Variants in PTPN12 observed in about 807,000 individuals in gnomAD.
The protein encoded by PTPN12 is protein tyrosine phosphatase non-receptor type 12, also known as tyrosine-protein phosphatase non-receptor type 12.
In PTPN12, 29 loss-of-function variants were observed where a neutral mutation model predicts 97.6. The ratio of observed to expected loss-of-function variants is 0.30; its 90% CI spans 0.22 to 0.41. PTPN12 has a LOEUF of 0.41. PTPN12 is among the 10% of genes least tolerant of loss of function. PTPN12 has a pLI of 1.00. For synonymous variants in PTPN12, 327 were observed against 300.4 expected, an observed-to-expected ratio of 1.09 and a Z score of -0.91; for missense variants, 819 against 926.0, an observed-to-expected ratio of 0.88 and a Z score of 1.50.
At position 77,626,862 on chromosome 7, in the gene PTPN12, A is replaced by G; in HGVS notation, c.1183A>G (p.Met395Val). 2 of 1,613,728 alleles carry G rather than the reference A, an allele frequency of 1.2e-6. No individual in the cohort carries two copies. The highest frequency in any genetic ancestry group is 1.3e-5 in the African/African-American group (1 of 75,030). Reference protein sequence around the residue: ...DRYHPKPVLHMVSSEQHSADL... With the variant: ...DRYHPKPVLHVVSSEQHSADL... ...ATACCATCCAAAGCCAGTGTTGCAT[A>G]TGGTTTCATCAGAACAACATTCAGC... Residue 395 changes from methionine to valine, a missense_variant, in exon 13 of 18, where the codon ATG becomes GTG. By Grantham distance (21) the Met-to-Val change is conservative. Transcript: ENST00000248594.
chr7:77,638,642 T>C lies in PTPN12; in HGVS notation c.2192T>C (p.Ile731Thr). ...NEKCDHPAGGIHYEMCIECPP... is the reference protein window; with the variant it reads ...NEKCDHPAGGTHYEMCIECPP... ...TACTTAGATCATCCAGCGGGAGGTA[T>C]TCACTATGAAATGTGCATAGAATGT... is the stretch of plus-strand genomic sequence containing the variant. Residue 731 changes from isoleucine (I) to threonine (T), a missense_variant, in exon 17 of 18, where the codon ATT (isoleucine) becomes ACT (threonine). Physicochemically the swap from Ile to Thr is moderately conservative, Grantham distance 89. Around this residue, in one of 5 missense-constraint regions of PTPN12, gnomAD observed 607 missense variants for 577.3 expected, o/e 1.05. Transcript: ENST00000248594. 1 of 1,598,270 alleles carries C rather than the reference T, an allele frequency of 6.3e-7. No individual in the cohort carries two copies. The highest frequency in any genetic ancestry group is 8.5e-7 in the Non-Finnish European group (1 of 1,174,384).
In PTPN12 at chr7:77,625,540, G is replaced by A. The variant is rs542061417; in HGVS notation, c.1026-1165G>A. Among the ~76,000 whole-genome samples the A allele has an allele frequency of 1.4e-3, 63 of 46,546 alleles. 5 individuals carry two copies. Among genetic ancestry groups the A allele is most frequent in the Non-Finnish European group, 1.8e-3 (46 of 26,116 alleles). The allele number at this position is 46,546 out of a possible 152,430, so 30.5% of individuals were successfully genotyped here. On this transcript the variant is annotated intron_variant, in intron 12 of 17. Transcript: ENST00000248594. ...CTCTCTCTCACTCTCACTCTCACTC[G>A]CGCTCTCTCTCTCGCTCTCTCTCTC...
At chr7:77,570,484 A>G (rs1276555172) in intron 1 of PTPN12, among the ~76,000 whole-genome samples, 2 of 152,246 alleles carry the variant, frequency 1.3e-5, no homozygotes, top group Non-Finnish European at 2.9e-5. Context: ...ACACGCAGAA[A>G]TATTCCAGCC....
chr7:77,569,015 C>A (rs1374867900), intron 1 of PTPN12, among the ~76,000 whole-genome samples: 1 of 152,114 alleles, frequency 6.6e-6, no homozygotes, highest in Non-Finnish European at 1.5e-5. Context: ...CATAAACAAT[C>A]TTTTCTACTG....
In PTPN12 at chr7:77,625,364, ACCTCAG is replaced by A. The variant is rs549215376; in HGVS notation, c.1026-1337_1026-1332del. 8.7e-4 allele frequency among the ~76,000 whole-genome samples: 128 copies of A among 147,694 alleles called. 3 individuals carry two copies. The South Asian group carries it at 0.018, about 21-fold the overall frequency. On this transcript the variant is annotated intron_variant, in intron 12 of 17. Transcript: ENST00000248594. ...CTCCCCAGGCTCAGGTGATCCTCCT[ACCTCAG>A]CCTTCCTAGTAGCTGGGACTACAAG...
At position 77,537,539 on chromosome 7, in the gene PTPN12, G is replaced by C; in HGVS notation, c.-8G>C. On this transcript the variant is annotated 5_prime_UTR_variant, in exon 1 of 18. Coordinates refer to ENST00000248594, the MANE Select transcript of PTPN12 (RefSeq NM_002835.4). ...GGCCAGCGACCGCAGCCGGGGGGAC[G>C]CGGGAGGATGGAGCAAGTGGAGATC... 1.3e-6 allele frequency: 2 copies of C among 1,587,534 alleles called. No individual in the cohort carries two copies. The highest frequency in any genetic ancestry group is 1.4e-5 in the African/African-American group (1 of 72,506).
chr7:77,564,768 T>TTTTTG, intron 1 of PTPN12, among the ~76,000 whole-genome samples: 1 of 112,734 alleles, frequency 8.9e-6, no homozygotes, highest in Non-Finnish European at 1.8e-5. Context: ...TTTTTTTTTT[T>TTTTTG]TTTTTTTTGA....
Position 77,576,342 on chromosome 7 carries a change from C to T in PTPN12, c.209-5085C>T, listed in dbSNP as rs141236418. 4.4e-3 allele frequency among the ~76,000 whole-genome samples: 673 copies of T among 152,132 alleles called. 7 individuals carry two copies. Among genetic ancestry groups the T allele is most frequent in the African/African-American group, 0.014 (598 of 41,482 alleles). On this transcript the variant is annotated intron_variant, in intron 2 of 17. Coordinates refer to ENST00000248594, the MANE Select transcript of PTPN12 (RefSeq NM_002835.4). Reference sequence around the variant, plus strand: ...CTCTTGGTTGGATAGCTAGCAAAACCATGGAGAGGAATAATTGTTTTCATT... The same window carrying T: ...CTCTTGGTTGGATAGCTAGCAAAACTATGGAGAGGAATAATTGTTTTCATT...
intron 4 of PTPN12, chr7:77,585,089 T>G (rs1261817906): frequency 1.3e-5 from 2 of 152,552 alleles, no homozygotes; most frequent in Non-Finnish European, 2.9e-5. Flanking sequence ...AATTCTCAAC[T>G]ATGCTGTGTG....
At chr7:77,567,632 A>G (rs930654197) in intron 1 of PTPN12, among the ~76,000 whole-genome samples, 5 of 152,182 alleles carry the variant, frequency 3.3e-5, no homozygotes, top group Admixed American at 6.5e-5. Flanking sequence ...AGGCCCAGCA[A>G]TGTGGCCCTC....
intron 2 of PTPN12, among the ~76,000 whole-genome samples, chr7:77,579,936 C>T (rs564883267): frequency 2.6e-5 from 4 of 152,008 alleles, no homozygotes; most frequent in Non-Finnish European, 5.9e-5. Flanking sequence ...TTGGTAATAC[C>T]CAGTCACCCT....
Position 77,639,355 on chromosome 7 carries a change from C to A in PTPN12, c.*75C>A. 8.2e-7 allele frequency: 1 copy of A among 1,226,192 alleles called. No homozygotes were observed. The highest frequency in any genetic ancestry group is 1.2e-6 in the Non-Finnish European group (1 of 847,714). The allele number at this position is 1,226,192 out of a possible 1,614,324, so 76.0% of individuals were successfully genotyped here. A position where few individuals can be genotyped will look rare whatever the true frequency, so the allele number is the denominator to read the frequency against. On this transcript the variant is annotated 3_prime_UTR_variant, in exon 18 of 18. Transcript: ENST00000248594. ...ACTGAAAGCCAGATTTATAGTATTC[C>A]ATCTTTAATATGTGGGACTAACAGC...
Position 77,627,041 on chromosome 7 carries a change from A to G in PTPN12, c.1362A>G (p.Thr454=). The G allele has an allele frequency of 6.2e-7, 1 of 1,612,646 alleles. No homozygotes were observed. The highest frequency in any genetic ancestry group is 8.5e-7 in the Non-Finnish European group (1 of 1,179,348). Residue 454 remains threonine (T), a synonymous_variant, in exon 13 of 18, where the codon ACA becomes ACG. Transcript: ENST00000248594. ...GACCAAAAAGTTTTGATGGGAACAC[A>G]CTTTTGAATAGGGGACATGCAATTA... The part of the protein sequence containing the change: ...QEGPKSFDGN[T]LLNRGHAIKI...
chr7:77,598,259 G>A (rs946562078), intron 7 of PTPN12, among the ~76,000 whole-genome samples: 1 of 152,036 alleles, frequency 6.6e-6, no homozygotes, highest in African/African-American at 2.4e-5. Flanking sequence ...TAGAGAGGGA[G>A]GGGAGCGTGG....
At chr7:77,638,404 A>C (rs1215956942) in intron 16 of PTPN12, among the ~76,000 whole-genome samples, 1 of 152,230 alleles carries the variant, frequency 6.6e-6, no homozygotes, top group Admixed American at 6.5e-5. Context: ...ACATTGCAGA[A>C]GTACTCACTG....
Position 77,607,568 on chromosome 7 carries a change from TA to T in PTPN12, c.762+272del, listed in dbSNP as rs1788416810. 5.9e-5 allele frequency among the ~76,000 whole-genome samples: 9 copies of T among 152,258 alleles called. No homozygotes were observed. In the South Asian group the frequency reaches 1.9e-3, roughly 32 times the overall value. The stretch of plus-strand genomic sequence containing the variant: ...GGGAACATAGGGAGACCCCCGTCTC[TA>T]AAAATAATTAAAAAATAAAATGATT... On this transcript the variant is annotated intron_variant, in intron 9 of 17. Coordinates refer to ENST00000248594, the MANE Select transcript of PTPN12 (RefSeq NM_002835.4).
intron 2 of PTPN12, among the ~76,000 whole-genome samples, chr7:77,575,723 C>G (rs1034745794): frequency 6.6e-6 from 1 of 152,160 alleles, no homozygotes; most frequent in African/African-American, 2.4e-5. Context: ...ACATTTCCAT[C>G]ACCCCTAAAA....
chr7:77,564,746 G>GGTTTTTTTTT (rs1808162192), intron 1 of PTPN12, among the ~76,000 whole-genome samples: 1 of 45,370 alleles, frequency 2.2e-5, no homozygotes, highest in African/African-American at 9.0e-5. Flanking sequence ...TTGTTGTCGT[G>GGTTTTTTTTT]TTTTTTTTTT....
chr7:77,551,163 C>A (rs777884211), intron 1 of PTPN12, among the ~76,000 whole-genome samples: 4 of 152,106 alleles, frequency 2.6e-5, no homozygotes, highest in African/African-American at 9.7e-5. Flanking sequence ...TGGGTTCAAG[C>A]GATTCTCCAG....
Sources: allele counts gnomAD v4.1 joint callset (sites outside exome capture counted in the v4.1 genomes callset), GRCh38; gene constraint gnomAD v4.1.1; regional missense constraint gnomAD v4.1.1; transcripts MANE v1.5; gene names NCBI Gene and HGNC (gene_info 2026-07-23, HGNC 2026-07-21).